Variants in TSG101 observed in about 807,000 individuals in gnomAD.
TSG101 encodes the protein tumor susceptibility 101.
A neutral mutation model predicts 48.5 loss-of-function variants in TSG101; 19 were observed. The ratio of observed to expected loss-of-function variants is 0.39; its 90% CI spans 0.27 to 0.58. The LOEUF is 0.58. TSG101 is among the 20% of genes least tolerant of loss of function. The pLI, the probability that TSG101 is intolerant of heterozygous loss-of-function variation, is 0.55. For missense variants in TSG101, 365 were observed against 484.4 expected (o/e 0.75, Z 2.31); for synonymous variants, 174 against 169.4 (o/e 1.03, Z -0.21).
intron 1 of TSG101, chr11:18,525,517 G>T: frequency 4.3e-6 from 1 of 230,906 alleles, no homozygotes; most frequent in Non-Finnish European, 6.5e-6. Flanking sequence ...CTGCACTCCA[G>T]CCTGGGTGAC....
chr11:18,502,296 T>C (rs1849901017), intron 7 of TSG101, among the ~76,000 whole-genome samples, 190 bp downstream of exon 7: 1 of 152,246 alleles, frequency 6.6e-6, no homozygotes, highest in South Asian at 2.1e-4. Context: ...TCAGATTTAT[T>C]TTCATGCCCT....
At chr11:18,483,426 G>A (rs1443438490) in intron 8 of TSG101, among the ~76,000 whole-genome samples, 1 of 151,264 alleles carries the variant, frequency 6.6e-6, no homozygotes, top group African/African-American at 2.4e-5. Context: ...AACCTGGAGG[G>A]TGGAGGTTGC....
intron 7 of TSG101, among the ~76,000 whole-genome samples, chr11:18,486,018 T>C (rs1849614474): frequency 6.6e-6 from 1 of 152,196 alleles, no homozygotes. Context: ...TGTTGCCTTT[T>C]CCAATACTAC....
intron 7 of TSG101, among the ~76,000 whole-genome samples, chr11:18,495,698 T>C (rs151305204): frequency 9.3e-5 from 14 of 151,194 alleles, no homozygotes; most frequent in African/African-American, 2.7e-4. Flanking sequence ...CATGAATTGG[T>C]TTGTTCCTTC....
chr11:18,508,549 G>A (rs1311496670), intron 5 of TSG101: 1 of 151,880 alleles, frequency 6.6e-6, no homozygotes, highest in Non-Finnish European at 1.5e-5. Flanking sequence ...AGAGTCAACA[G>A]AATTTAATAA....
At chr11:18,480,697 T>G (rs991779559) in intron 9 of TSG101, 62 bp from the exon 10 acceptor site, 1 of 1,490,606 alleles carries the variant, frequency 6.7e-7, no homozygotes, top group Non-Finnish European at 9.2e-7. Context: ...AGGCATAAAA[T>G]AGACAATTTG....
intron 7 of TSG101, among the ~76,000 whole-genome samples, chr11:18,484,420 GA>G (rs1298351791): frequency 6.6e-6 from 1 of 152,172 alleles, no homozygotes; most frequent in Non-Finnish European, 1.5e-5. Flanking sequence ...TTCCACTAAG[GA>G]AAAACATTTG....
rs1160424288 is a variant in TSG101, at chr11:18,499,402, A to ATTTTTTTTT, written c.640+3075_640+3083dup. 5.9e-3 allele frequency among the ~76,000 whole-genome samples: 32 copies of ATTTTTTTTT among 5,454 alleles called. 5 individuals are homozygous for ATTTTTTTTT. The highest frequency in any genetic ancestry group is 0.043 in the South Asian group (4 of 92). 3.6% of individuals were successfully genotyped at this position (5,454 alleles called of 152,430 possible). A position where few individuals can be genotyped will look rare whatever the true frequency, so the allele number is the denominator to read the frequency against. ...TTTAAATATATATATATATATATAT[A>ATTTTTTTTT]TTTTTTTTTTTTTTTTTTTTTTTCC... is the stretch of plus-strand genomic sequence containing the variant. On this transcript the variant is annotated intron_variant, in intron 7 of 9. Coordinates refer to ENST00000251968, the MANE Select transcript of TSG101 (RefSeq NM_006292.4).
At chr11:18,484,147 A>G in intron 7 of TSG101, 75 bp from the exon 8 acceptor site, 2 of 1,476,024 alleles carry the variant, frequency 1.4e-6, no homozygotes, top group Non-Finnish European at 1.9e-6. Context: ...AACCTTCAGA[A>G]AAGGGGGCAA....
At position 18,484,138 on chromosome 11, in the gene TSG101, A is replaced by T. The variant is rs1849586534; in HGVS notation, c.641-66T>A. Reference sequence around the variant, plus strand: ...AGTTCCTTCTATTTGTCTCACAGGAACCTTCAGAAAAGGGGGCAATATGAA... The same window carrying T: ...AGTTCCTTCTATTTGTCTCACAGGATCCTTCAGAAAAGGGGGCAATATGAA... On this transcript the variant is annotated intron_variant, in intron 7 of 9. Transcript: ENST00000251968. 7.1e-6 allele frequency: 11 copies of T among 1,552,626 alleles called. No individual in the cohort carries two copies. In the Admixed American group the frequency reaches 1.9e-4, roughly 27 times the overall value.
At chr11:18,482,130 C>T (rs1392495772) in intron 8 of TSG101, among the ~76,000 whole-genome samples, 1 of 152,200 alleles carries the variant, frequency 6.6e-6, no homozygotes, top group Non-Finnish European at 1.5e-5. Flanking sequence ...CTGTCAGCGA[C>T]AAATGATACT....
At chr11:18,509,912 TAG>T (rs1427618713) in intron 4 of TSG101, among the ~76,000 whole-genome samples, 4 of 152,208 alleles carry the variant, frequency 2.6e-5, no homozygotes, top group Admixed American at 1.3e-4. Flanking sequence ...GCAAAATTCA[TAG>T]AGTTTTGTTC....
intron 1 of TSG101, among the ~76,000 whole-genome samples, chr11:18,526,049 C>T (rs1590292869): frequency 6.6e-6 from 1 of 151,624 alleles, no homozygotes; most frequent in Middle Eastern, 3.2e-3. Context: ...AGCCATTCCA[C>T]TCTGGTGTGA....
intron 7 of TSG101, among the ~76,000 whole-genome samples, chr11:18,485,385 T>C (rs551727994): frequency 6.0e-4 from 91 of 152,324 alleles, no homozygotes; most frequent in African/African-American, 2.0e-3. Flanking sequence ...ACCTATTTTC[T>C]GAAGGAAAGG....
intron 4 of TSG101, among the ~76,000 whole-genome samples, chr11:18,510,241 C>T (rs1850055965): frequency 6.6e-6 from 1 of 150,892 alleles, no homozygotes; most frequent in African/African-American, 2.4e-5. Context: ...GCCAACATGG[C>T]AAAATCCCAT....
At chr11:18,494,709 T>C (rs1849749146) in intron 7 of TSG101, among the ~76,000 whole-genome samples, 1 of 152,140 alleles carries the variant, frequency 6.6e-6, no homozygotes, top group Admixed American at 6.6e-5. Flanking sequence ...GTGAAAGGTG[T>C]GGGGAAGAGG....
chr11:18,484,198 T>G (rs1849587427), intron 7 of TSG101, 126 bp from the exon 8 acceptor site: 1 of 849,348 alleles, frequency 1.2e-6, no homozygotes, highest in Admixed American at 2.7e-5. Flanking sequence ...AGAAAAAAAT[T>G]ATGTTACCAG....
chr11:18,482,049 G>A (rs1480946746), intron 8 of TSG101, among the ~76,000 whole-genome samples, 180 bp from the exon 9 acceptor site: 1 of 152,214 alleles, frequency 6.6e-6, no homozygotes, highest in African/African-American at 2.4e-5. Context: ...CTACTATGCT[G>A]AGTGAAATAG....
chr11:18,516,109 C>A lies in TSG101; in HGVS notation c.183G>T (p.Val61=). Reference sequence around the variant, plus strand: ...TAATAAGACATTTACCTCTATAAGGCACAGGGATTGTTCCAGTGAGGTTCA... The same window carrying A: ...TAATAAGACATTTACCTCTATAAGGAACAGGGATTGTTCCAGTGAGGTTCA... The part of the protein sequence containing the change: ...ELMNLTGTIP[V]PYRGNTYNIP... Residue 61 remains valine (V), a synonymous_variant, in exon 3 of 10, where the codon GTG becomes GTT. Transcript: ENST00000251968. 1 of 1,613,822 alleles carries A rather than the reference C, an allele frequency of 6.2e-7. No individual in the cohort carries two copies. The highest frequency in any genetic ancestry group is 1.3e-5 in the African/African-American group (1 of 75,036).
Sources: allele counts gnomAD v4.1 joint callset (sites outside exome capture counted in the v4.1 genomes callset), GRCh38; gene constraint gnomAD v4.1.1; transcripts MANE v1.5; gene names NCBI Gene and HGNC (gene_info 2026-07-23, HGNC 2026-07-21).